CHST9: variants seen among roughly 807,000 people sequenced by gnomAD.
CHST9 encodes the protein carbohydrate sulfotransferase 9, also known as GalNAc-4-sulfotransferase 2.
A neutral mutation model predicts 44.4 loss-of-function variants in CHST9; 41 were observed. The ratio of observed to expected loss-of-function variants is 0.92; its 90% CI spans 0.72 to 1.20. The LOEUF (loss-of-function observed/expected upper bound fraction) is 1.20. Among genes scored for constraint, CHST9 ranks in the 50% most tolerant of loss-of-function variants. The pLI is 0.00. For missense variants in CHST9, 504 were observed against 516.5 expected (o/e 0.98, Z 0.23); for synonymous variants, 171 against 178.4 (o/e 0.96, Z 0.33).
intron 2 of CHST9, among the ~76,000 whole-genome samples, chr18:27,053,176 G>GAAGAAGAAGAAA: frequency 6.9e-6 from 1 of 145,938 alleles, no homozygotes; most frequent in African/African-American, 2.5e-5. Flanking sequence ...AGAAGAAGAA[G>GAAGAAGAAGAAA]AAGAAGAAGA....
chr18:26,916,986 G>A lies in CHST9; in HGVS notation c.605C>T (p.Thr202Ile). The change falls in exon 6 of 6, where the codon ACA (threonine) becomes ATA (isoleucine). Residue 202 changes from threonine (T) to isoleucine (I), a missense_variant. By Grantham distance (89) the Thr-to-Ile change is moderately conservative (BLOSUM62 -1). Transcript: ENST00000618847. ...VSHHQSHLFH[T>I]VSRIYVEDKH... ...ATCTTCTACATAGATTCTGGATACT[G>A]TATGAAAAAGATGTGACTGATGATG... 1 of 1,613,906 alleles carries A rather than the reference G, an allele frequency of 6.2e-7. No individual in the cohort carries two copies. The highest frequency in any genetic ancestry group is 8.5e-7 in the Non-Finnish European group (1 of 1,179,870).
intron 2 of CHST9, among the ~76,000 whole-genome samples, chr18:27,113,343 C>A (rs2058290800): frequency 6.6e-6 from 1 of 152,196 alleles, no homozygotes. Context: ...CAGCTGGTAT[C>A]CCACTTAACT....
intron 4 of CHST9, among the ~76,000 whole-genome samples, chr18:26,988,418 A>T (rs937773163): frequency 1.3e-5 from 2 of 152,210 alleles, no homozygotes; most frequent in Non-Finnish European, 2.9e-5. Context: ...AGGCAAAGTA[A>T]TATTCAAAGC....
intron 4 of CHST9, among the ~76,000 whole-genome samples, chr18:26,958,787 G>C (rs1266967633): frequency 6.6e-6 from 1 of 152,198 alleles, no homozygotes; most frequent in Non-Finnish European, 1.5e-5. Flanking sequence ...TCTCATGCCA[G>C]TTAGAATGGC....
At chr18:27,057,515 G>C (rs768561548) in intron 2 of CHST9, among the ~76,000 whole-genome samples, 48 of 152,200 alleles carry the variant, frequency 3.2e-4, no homozygotes, top group Non-Finnish European at 5.6e-4. Flanking sequence ...CCTCCTGCAG[G>C]TTTAGATAAA....
intron 2 of CHST9, 137 bp downstream of exon 2, chr18:27,142,552 G>A (rs1391202562): frequency 3.3e-6 from 2 of 608,578 alleles, no homozygotes; most frequent in Non-Finnish European, 4.9e-6. Context: ...TAGGAGCTGG[G>A]AATTTTATCT....
chr18:27,093,156 C>T (rs951636615), intron 2 of CHST9, among the ~76,000 whole-genome samples: 1 of 152,236 alleles, frequency 6.6e-6, no homozygotes, highest in African/African-American at 2.4e-5. Context: ...TCAGCCCCTA[C>T]TGGGACCTAC....
chr18:27,015,318 G>C (rs2057138633), intron 4 of CHST9, among the ~76,000 whole-genome samples: 1 of 110,644 alleles, frequency 9.0e-6, no homozygotes, highest in Non-Finnish European at 1.7e-5. Flanking sequence ...TCACCAGAGA[G>C]GCAGTTGTGT....
rs972319793 is a variant in CHST9 at position 27,015,386 on chromosome 18, G to A, written c.202+8730C>T. Among the ~76,000 whole-genome samples the A allele has an allele frequency of 2.0e-5, 3 of 151,310 alleles. No homozygotes were observed. In the East Asian group the frequency reaches 5.8e-4, roughly 29 times the overall value. The stretch of plus-strand genomic sequence containing the variant: ...AGGCACTACGCATCCTTCGGAGAGT[G>A]TGAGGGGAAGGGACCTGAGAAGAGG... On this transcript the variant is annotated intron_variant, in intron 4 of 5. Coordinates refer to ENST00000618847, the MANE Select transcript of CHST9 (RefSeq NM_031422.6).
At chr18:27,104,857 T>C (rs1037464512) in intron 2 of CHST9, among the ~76,000 whole-genome samples, 18 of 152,168 alleles carry the variant, frequency 1.2e-4, no homozygotes, top group African/African-American at 4.3e-4. Flanking sequence ...AAAAATGAAA[T>C]TTGTTTAGCA....
chr18:26,952,736 A>G (rs1408523008), intron 4 of CHST9, among the ~76,000 whole-genome samples: 2 of 152,210 alleles, frequency 1.3e-5, no homozygotes, highest in Non-Finnish European at 1.5e-5. Context: ...ATTCCAAAAA[A>G]TATAATACCT....
chr18:26,977,616 T>G (rs1174533028), intron 4 of CHST9, among the ~76,000 whole-genome samples: 1 of 152,166 alleles, frequency 6.6e-6, no homozygotes, highest in African/African-American at 2.4e-5. Context: ...TCTTTCCCTA[T>G]CCATTAGTAG....
chr18:27,153,152 C>T (rs1364677715), intron 1 of CHST9, among the ~76,000 whole-genome samples: 2 of 152,106 alleles, frequency 1.3e-5, no homozygotes, highest in African/African-American at 4.8e-5. Context: ...TGGATTGCCC[C>T]CACCTCCAGC....
At chr18:27,036,336 C>A (rs2057390328) in intron 3 of CHST9, among the ~76,000 whole-genome samples, 1 of 152,088 alleles carries the variant, frequency 6.6e-6, no homozygotes, top group Non-Finnish European at 1.5e-5. Flanking sequence ...AAAAAAGAAA[C>A]AAATATCTCT....
chr18:26,975,744 T>TATAC (rs1261145535), intron 4 of CHST9, among the ~76,000 whole-genome samples: 11 of 139,158 alleles, frequency 7.9e-5, no homozygotes, highest in Admixed American at 7.6e-4. Flanking sequence ...TATATATATA[T>TATAC]ATATATATAT....
In CHST9 at chr18:26,920,290, C is replaced by T. The variant is rs150419052; in HGVS notation, c.241-2940G>A. ...TTTGCAATTCTTTGACCACTTTTCA[C>T]TGTTACCCAGGTCTTAACAGCCAGC... On this transcript the variant is annotated intron_variant, in intron 5 of 5. Coordinates refer to ENST00000618847, the MANE Select transcript of CHST9 (RefSeq NM_031422.6). Among the ~76,000 whole-genome samples the T allele has an allele frequency of 3.3e-3, 500 of 152,330 alleles. 3 individuals carry two copies. Among genetic ancestry groups the T allele is most frequent in the African/African-American group, 0.012 (483 of 41,576 alleles).
rs146966271 is a variant in CHST9 at position 27,119,653 on chromosome 18, G to GTT, written c.121+23034_121+23035dup. Among the ~76,000 whole-genome samples, 879 of 138,270 alleles carry GTT rather than the reference G, an allele frequency of 6.4e-3. 6 individuals carry two copies. The highest frequency in any genetic ancestry group is 8.8e-3 in the Admixed American group (122 of 13,918). 90.7% of individuals were successfully genotyped at this position (138,270 alleles called of 152,430 possible). Reference sequence around the variant, plus strand: ...CTACTTATCAGTTTTTTTGTTTTGGGTTTTTTTTTTTTTTTCTACTTGCTC... The same window carrying GTT: ...CTACTTATCAGTTTTTTTGTTTTGGGTTTTTTTTTTTTTTTTTCTACTTGCTC... On this transcript the variant is annotated intron_variant, in intron 2 of 5. Transcript: ENST00000618847.
At chr18:26,938,474 A>C (rs1423847843) in intron 5 of CHST9, among the ~76,000 whole-genome samples, 2 of 152,222 alleles carry the variant, frequency 1.3e-5, no homozygotes, top group African/African-American at 4.8e-5. Flanking sequence ...TACTAGCTCC[A>C]TTAGTGCCAA....
intron 4 of CHST9, among the ~76,000 whole-genome samples, chr18:26,955,647 G>T (rs1268757066): frequency 6.6e-6 from 1 of 152,150 alleles, no homozygotes. Flanking sequence ...CTGGATACAA[G>T]TTTCCTTGGC....
Sources: gnomAD v4.1 joint callset for allele counts (sites outside exome capture counted in the v4.1 genomes callset) on GRCh38, gnomAD v4.1.1 for gene constraint, MANE v1.5 for transcripts, NCBI Gene and HGNC (gene_info 2026-07-23, HGNC 2026-07-21) for gene names.